PRKAR2B: variants seen among roughly 807,000 people sequenced by gnomAD.
PRKAR2B encodes cAMP-dependent protein kinase type II-beta regulatory subunit.
PRKAR2B carries 14 observed loss-of-function variants against 49.9 expected under a neutral mutation model. The observed-to-expected ratio is 0.28, with a 90% confidence interval of 0.19 to 0.44. The LOEUF (loss-of-function observed/expected upper bound fraction) is 0.44, where lower values mean the gene tolerates loss of function less well. Ranked by LOEUF, PRKAR2B falls within the 20% of genes least tolerant of loss-of-function variation. The pLI is 1.00. For synonymous variants in PRKAR2B, 196 were observed against 197.7 expected (o/e 0.99, Z 0.07); for missense variants, 393 against 537.9 (o/e 0.73, Z 2.67).
chr7:107,057,999 A>T (rs1793948577), intron 1 of PRKAR2B, among the ~76,000 whole-genome samples: 1 of 152,112 alleles, frequency 6.6e-6, no homozygotes, highest in Non-Finnish European at 1.5e-5. Context: ...CAGTTCTTTA[A>T]ATCTTATGTC....
chr7:107,122,138 C>CCTGA, intron 3 of PRKAR2B, 134 bp downstream of exon 3: 1 of 503,820 alleles, frequency 2.0e-6, no homozygotes, highest in Non-Finnish European at 3.4e-6. Context: ...TGTTTCTTTT[C>CCTGA]CTAGTCTCAT....
At chr7:107,102,528 T>C (rs1258694626) in intron 2 of PRKAR2B, among the ~76,000 whole-genome samples, 1 of 152,234 alleles carries the variant, frequency 6.6e-6, no homozygotes, top group Non-Finnish European at 1.5e-5. Context: ...GTCAGCTTGC[T>C]CTTGAATTGT....
chr7:107,157,175 T>C lies in PRKAR2B; in HGVS notation c.985-11T>C. 2 of 1,608,430 alleles carry C rather than the reference T, an allele frequency of 1.2e-6. No homozygotes were observed. Among genetic ancestry groups the C allele is most frequent in the Non-Finnish European group, 1.7e-6 (2 of 1,177,380 alleles). ...CTGAGGAAAAGCTCATCTTTTTAAT[T>C]GCCTTGTCAGGGTAAATCAGAAGTG... On this transcript the variant is annotated splice_polypyrimidine_tract_variant and intron_variant, in intron 9 of 10. Coordinates refer to ENST00000265717, the MANE Select transcript of PRKAR2B (RefSeq NM_002736.3).
chr7:107,138,990 A>G (rs1378707491), intron 4 of PRKAR2B, among the ~76,000 whole-genome samples: 1 of 152,096 alleles, frequency 6.6e-6, no homozygotes, highest in Non-Finnish European at 1.5e-5. Context: ...AAAAAAATCT[A>G]TTTTAAAGAA....
At chr7:107,094,212 T>C (rs995930685) in intron 2 of PRKAR2B, among the ~76,000 whole-genome samples, 4 of 152,200 alleles carry the variant, frequency 2.6e-5, no homozygotes, top group African/African-American at 7.2e-5. Flanking sequence ...TTCTAACTGG[T>C]GTGAGATGGT....
chr7:107,078,446 C>G (rs192933312), intron 2 of PRKAR2B, among the ~76,000 whole-genome samples: 1 of 152,188 alleles, frequency 6.6e-6, no homozygotes, highest in Non-Finnish European at 1.5e-5. Flanking sequence ...GGGCACAGGC[C>G]TGGGGGCTTT....
At chr7:107,112,103 G>GTTTGAGGC (rs1179274692) in intron 2 of PRKAR2B, among the ~76,000 whole-genome samples, 3 of 137,586 alleles carry the variant, frequency 2.2e-5, no homozygotes, top group African/African-American at 8.1e-5. Context: ...GAGCCCAGGA[G>GTTTGAGGC]TTTGAGGCTG....
chr7:107,085,700 A>G (rs559911813), intron 2 of PRKAR2B, among the ~76,000 whole-genome samples: 72 of 152,220 alleles, frequency 4.7e-4, no homozygotes, highest in Non-Finnish European at 9.3e-4. Flanking sequence ...TTTTCACTTA[A>G]TAGTGTATTG....
rs549078233 is a variant in PRKAR2B, at chr7:107,149,852, T to C, written c.742-1070T>C. 3.9e-5 allele frequency among the ~76,000 whole-genome samples: 6 copies of C among 152,222 alleles called. No individual in the cohort carries two copies. The East Asian group carries it at 1.2e-3, about 29-fold the overall frequency. On this transcript the variant is annotated intron_variant, in intron 6 of 10. Coordinates refer to ENST00000265717, the MANE Select transcript of PRKAR2B (RefSeq NM_002736.3). ...ATAAAATTGTATATTTTAAAATAAA[T>C]GTAATTGGATTTTTTGTAACTCAAA...
intron 1 of PRKAR2B, among the ~76,000 whole-genome samples, chr7:107,045,911 A>G (rs749846751): frequency 1.3e-5 from 2 of 152,226 alleles, no homozygotes; most frequent in Non-Finnish European, 2.9e-5. Flanking sequence ...TTTTTATATA[A>G]AAGACATATT....
At chr7:107,158,580 G>A (rs549749106) in intron 10 of PRKAR2B, among the ~76,000 whole-genome samples, 1 of 152,190 alleles carries the variant, frequency 6.6e-6, no homozygotes, top group East Asian at 1.9e-4. Flanking sequence ...TACTTCGAAG[G>A]TTTTGGCTCC....
intron 5 of PRKAR2B, among the ~76,000 whole-genome samples, chr7:107,146,000 C>T (rs1023818721): frequency 1.3e-5 from 2 of 152,156 alleles, no homozygotes; most frequent in African/African-American, 2.4e-5. Context: ...CTCAGCCTCC[C>T]AAAGTGCTGT....
At chr7:107,073,937 C>A (rs1033251528) in intron 2 of PRKAR2B, among the ~76,000 whole-genome samples, 2 of 151,922 alleles carry the variant, frequency 1.3e-5, no homozygotes, top group Non-Finnish European at 2.9e-5. Context: ...TGGCGCGTGC[C>A]TATAGTCCCA....
At chr7:107,067,093 G>A (rs1452806324) in intron 1 of PRKAR2B, 1 of 152,378 alleles carries the variant, frequency 6.6e-6, no homozygotes, top group Non-Finnish European at 1.5e-5. Context: ...GGAAGGTCGG[G>A]ATGTTGGCGG....
intron 2 of PRKAR2B, chr7:107,077,881 A>G (rs953951362): frequency 6.6e-6 from 1 of 152,184 alleles, no homozygotes; most frequent in Non-Finnish European, 1.5e-5. Context: ...TGATTGTTGT[A>G]ATGAAACAGT....
At chr7:107,107,106 G>A (rs1273734076) in intron 2 of PRKAR2B, among the ~76,000 whole-genome samples, 1 of 152,216 alleles carries the variant, frequency 6.6e-6, no homozygotes, top group African/African-American at 2.4e-5. Flanking sequence ...GGAGGCCGAG[G>A]TGGGTGGATC....
chr7:107,067,436 C>A (rs1794174505), intron 1 of PRKAR2B: 1 of 152,076 alleles, frequency 6.6e-6, no homozygotes, highest in Non-Finnish European at 1.5e-5. Context: ...TTGGTGCACC[C>A]ATCTTCTTAA....
At chr7:107,115,924 T>C (rs1317178744) in intron 2 of PRKAR2B, among the ~76,000 whole-genome samples, 1 of 152,192 alleles carries the variant, frequency 6.6e-6, no homozygotes, top group African/African-American at 2.4e-5. Context: ...GCCTTCCAAA[T>C]TGCAGAGGCT....
In PRKAR2B at chr7:107,044,855, T is replaced by A. The variant is rs1333536796; in HGVS notation, c.-53T>A. 3 of 1,499,420 alleles carry A rather than the reference T, an allele frequency of 2.0e-6. No homozygotes were observed. The Admixed American group carries it at 6.1e-5, about 31-fold the overall frequency. 92.9% of individuals were successfully genotyped at this position (1,499,420 alleles called of 1,614,324 possible). ...TCGGCAGCCGCGGGGCCCTAGGCCG[T>A]GCCGGGGAGGGGGCGAGGGCGGCGC... On this transcript the variant is annotated 5_prime_UTR_variant, in exon 1 of 11. Coordinates refer to ENST00000265717, the MANE Select transcript of PRKAR2B (RefSeq NM_002736.3).
Sources: allele counts gnomAD v4.1 joint callset (sites outside exome capture counted in the v4.1 genomes callset), GRCh38; gene constraint gnomAD v4.1.1; transcripts MANE v1.5; gene names NCBI Gene and HGNC (gene_info 2026-07-23, HGNC 2026-07-21).